Variants in SLC28A1 observed in about 807,000 individuals in gnomAD.
SLC28A1 encodes the protein sodium/nucleoside cotransporter 1.
Under a neutral mutation model 74.8 loss-of-function variants are expected in SLC28A1, and 64 were observed. The ratio of observed to expected loss-of-function variants is 0.86; its 90% CI spans 0.70 to 1.05. The LOEUF is 1.05. Ranked by LOEUF, SLC28A1 falls within the 50% of genes least tolerant of loss-of-function variation. SLC28A1 has a pLI of 0.00. For synonymous variants in SLC28A1, 359 were observed against 335.0 expected (o/e 1.07, Z -0.78); for missense variants, 828 against 822.8 (o/e 1.01, Z -0.08).
At chr15:84,947,923 G>C (rs1030590667), downstream of SLC28A1, among the ~76,000 whole-genome samples, 1 of 152,148 alleles carries the variant, frequency 6.6e-6, no homozygotes, top group South Asian at 2.1e-4. Flanking sequence ...ATGGGAGCTC[G>C]GTAGTATTGG....
chr15:84,952,829 A>G, the SLC28A1 span, among the ~76,000 whole-genome samples: 1 of 152,228 alleles, frequency 6.6e-6, no homozygotes, highest in Non-Finnish European at 1.5e-5. Context: ...ACTGCACTCC[A>G]GCCTGGAGAA....
intron 8 of SLC28A1, among the ~76,000 whole-genome samples, chr15:84,908,259 C>T (rs1967560490): frequency 7.0e-6 from 1 of 142,174 alleles, no homozygotes; most frequent in Non-Finnish European, 1.5e-5. Context: ...TCTTGGCTCA[C>T]TGCAACCTCT....
intron 15 of SLC28A1, among the ~76,000 whole-genome samples, chr15:84,937,163 C>T (rs1972038963): frequency 6.6e-6 from 1 of 151,258 alleles, no homozygotes; most frequent in African/African-American, 2.4e-5. Context: ...CTTAGTATTA[C>T]AACATAAGCA....
intron 13 of SLC28A1, among the ~76,000 whole-genome samples, chr15:84,933,520 G>A (rs542289484): frequency 1.0e-3 from 153 of 152,294 alleles, no homozygotes; most frequent in African/African-American, 3.5e-3. Context: ...TGGAGGCTGA[G>A]AAGTCCAAGG....
intron 2 of SLC28A1, chr15:84,887,448 C>T (rs1467694958): frequency 1.0e-6 from 1 of 974,958 alleles, no homozygotes; most frequent in African/African-American, 1.8e-5. Context: ...CTTTGGGAGG[C>T]TGAGGTGGGA....
chr15:84,919,116 G>T (rs1055244265), intron 10 of SLC28A1, among the ~76,000 whole-genome samples: 1 of 152,188 alleles, frequency 6.6e-6, no homozygotes, highest in Non-Finnish European at 1.5e-5. Flanking sequence ...GTTTTGAGGC[G>T]GCACTGAAAA....
Position 84,935,523 on chromosome 15 carries a change from G to T in SLC28A1, c.1581+5G>T. On this transcript the variant is annotated splice_donor_5th_base_variant and intron_variant, in intron 15 of 18. Coordinates refer to ENST00000394573, the MANE Select transcript of SLC28A1 (RefSeq NM_004213.5). The stretch of plus-strand genomic sequence containing the variant: ...GACAGGAAGCAGTGGATCTCCGTGA[G>T]TGTCCCAGTCCCTTCCCTGCAGCAG... The T allele has an allele frequency of 1.2e-6, 2 of 1,611,442 alleles. No homozygotes were observed. Among genetic ancestry groups the T allele is most frequent in the Non-Finnish European group, 8.5e-7 (1 of 1,179,126 alleles).
the SLC28A1 span, chr15:84,961,461 A>G: frequency 2.2e-6 from 1 of 452,360 alleles, no homozygotes; most frequent in Non-Finnish European, 4.4e-6. Context: ...TCTCCCAAGC[A>G]GCTGGGACTA....
chr15:84,896,496 C>A (rs563616462), intron 6 of SLC28A1, among the ~76,000 whole-genome samples: 35 of 152,228 alleles, frequency 2.3e-4, no homozygotes, highest in Non-Finnish European at 4.9e-4. Context: ...GGTGGAAATG[C>A]GAAACAGTGC....
intron 13 of SLC28A1, among the ~76,000 whole-genome samples, chr15:84,934,087 A>G (rs368492586): frequency 3.9e-5 from 6 of 152,354 alleles, no homozygotes; most frequent in African/African-American, 1.4e-4. Context: ...TCATGACCCA[A>G]TCACCTCTTA....
At chr15:84,948,756 C>G (rs895822164), downstream of SLC28A1, among the ~76,000 whole-genome samples, 3 of 152,116 alleles carry the variant, frequency 2.0e-5, no homozygotes, top group Non-Finnish European at 4.4e-5. Flanking sequence ...CTTTGTTAAC[C>G]CCCGATTCTG....
At chr15:84,912,621 A>G (rs1326738013) in intron 9 of SLC28A1, among the ~76,000 whole-genome samples, 1 of 151,980 alleles carries the variant, frequency 6.6e-6, no homozygotes, top group African/African-American at 2.4e-5. Flanking sequence ...GCAGACTCTC[A>G]TTCTTTCACT....
chr15:84,885,787 T>C (rs1400584256), intron 1 of SLC28A1, among the ~76,000 whole-genome samples: 1 of 151,508 alleles, frequency 6.6e-6, no homozygotes, highest in African/African-American at 2.4e-5. Flanking sequence ...TGGTCATCCC[T>C]GAGGGCTCAG....
chr15:84,907,474 C>T (rs1046599295), intron 8 of SLC28A1, among the ~76,000 whole-genome samples: 9 of 152,010 alleles, frequency 5.9e-5, no homozygotes, highest in Non-Finnish European at 1.0e-4. Context: ...CATAAGCCAC[C>T]ATGCTGGCCT....
At chr15:84,909,704 G>T (rs1967846405) in intron 9 of SLC28A1, among the ~76,000 whole-genome samples, 1 of 152,226 alleles carries the variant, frequency 6.6e-6, no homozygotes, top group Non-Finnish European at 1.5e-5. Flanking sequence ...CCCTTGCCAG[G>T]CAGAAGAGAG....
At chr15:84,889,021 C>A (rs901130732) in intron 4 of SLC28A1, among the ~76,000 whole-genome samples, 161 bp downstream of exon 4, 1 of 152,142 alleles carries the variant, frequency 6.6e-6, no homozygotes, top group Non-Finnish European at 1.5e-5. Flanking sequence ...GCACATGAGC[C>A]TCGAGGGTGA....
chr15:84,946,097 TA>T (rs1567196322), downstream of SLC28A1, among the ~76,000 whole-genome samples: 1 of 18,746 alleles, frequency 5.3e-5, no homozygotes, highest in African/African-American at 1.6e-4. Flanking sequence ...TATATATATA[TA>T]TATATATATA....
chr15:84,956,585 C>T, the SLC28A1 span, among the ~76,000 whole-genome samples: 3 of 151,586 alleles, frequency 2.0e-5, no homozygotes, highest in Non-Finnish European at 2.9e-5. Context: ...CTCAACCTCC[C>T]AGGCTCAAGA....
At chr15:84,895,893 G>A in intron 6 of SLC28A1, 1 of 1,016,370 alleles carries the variant, frequency 9.8e-7, no homozygotes, top group Non-Finnish European at 1.2e-6. Context: ...GGGTACAGGG[G>A]TGCCTCTCAC....
Sources: allele counts gnomAD v4.1 joint callset (sites outside exome capture counted in the v4.1 genomes callset), GRCh38; gene constraint gnomAD v4.1.1; transcripts MANE v1.5; gene names NCBI Gene and HGNC (gene_info 2026-07-23, HGNC 2026-07-21).